The following AGBL1 variants were observed in gnomAD, a reference collection of about 807,000 sequenced individuals.
The protein encoded by AGBL1 is AGBL carboxypeptidase 1.
A neutral mutation model predicts 118.9 loss-of-function variants in AGBL1; 130 were observed. That is an observed-to-expected ratio of 1.09 (90% CI 0.95 to 1.26). AGBL1 has a LOEUF of 1.26. Ranked by LOEUF, AGBL1 falls within the 50% of genes most tolerant of loss-of-function variation. AGBL1 has a pLI of 0.00. For synonymous variants in AGBL1, 555 were observed against 478.9 expected (o/e 1.16, Z -2.08); for missense variants, 1,584 against 1,298.1 (o/e 1.22, Z -3.38).
intron 19 of AGBL1, among the ~76,000 whole-genome samples, chr15:86,543,662 A>C (rs2083535630): frequency 6.6e-6 from 1 of 152,186 alleles, no homozygotes; most frequent in Non-Finnish European, 1.5e-5. Context: ...GGAAAGAGTA[A>C]ATATCTGTAG....
chr15:86,591,451 A>C (rs2084334663), intron 21 of AGBL1, among the ~76,000 whole-genome samples: 1 of 152,140 alleles, frequency 6.6e-6, no homozygotes, highest in Admixed American at 6.5e-5. Flanking sequence ...AGGCTTCCGG[A>C]ACTTCTGACC....
intron 22 of AGBL1, among the ~76,000 whole-genome samples, chr15:86,747,561 G>A (rs963173826): frequency 3.3e-5 from 5 of 152,272 alleles, no homozygotes; most frequent in Admixed American, 2.0e-4. Flanking sequence ...CATGTGCCAT[G>A]TTGGTGTGCT....
chr15:86,172,616 T>C (rs977095718), intron 5 of AGBL1, among the ~76,000 whole-genome samples: 1 of 152,218 alleles, frequency 6.6e-6, no homozygotes. Context: ...TGTCTGTGTC[T>C]CGCTTATTTC....
chr15:86,463,447 T>G (rs1567005541), intron 18 of AGBL1, among the ~76,000 whole-genome samples: 1 of 152,118 alleles, frequency 6.6e-6, no homozygotes, highest in Non-Finnish European at 1.5e-5. Context: ...AGTTTAATCA[T>G]ATCTCATTTG....
intron 18 of AGBL1, among the ~76,000 whole-genome samples, chr15:86,483,051 T>C (rs2082672391): frequency 6.6e-6 from 1 of 151,872 alleles, no homozygotes; most frequent in Non-Finnish European, 1.5e-5. Flanking sequence ...TGGCTGAATA[T>C]ACGTATTTAT....
At chr15:86,166,741 G>A (rs1487153947) in intron 5 of AGBL1, among the ~76,000 whole-genome samples, 1 of 152,138 alleles carries the variant, frequency 6.6e-6, no homozygotes, top group Non-Finnish European at 1.5e-5. Context: ...TATTCCTGAG[G>A]ATGACATGCT....
intron 18 of AGBL1, among the ~76,000 whole-genome samples, chr15:86,407,371 C>T (rs538168421): frequency 1.8e-4 from 28 of 152,272 alleles, no homozygotes; most frequent in African/African-American, 6.3e-4. Flanking sequence ...GGTTATACAG[C>T]CCCACTGTGT....
chr15:86,349,251 A>G (rs530613586), intron 17 of AGBL1, among the ~76,000 whole-genome samples: 16 of 152,184 alleles, frequency 1.1e-4, no homozygotes, highest in Admixed American at 2.0e-4. Context: ...AAGCCACTTG[A>G]TTCATGTGGA....
intron 17 of AGBL1, among the ~76,000 whole-genome samples, chr15:86,386,764 T>C (rs986286467): frequency 1.3e-5 from 2 of 152,160 alleles, no homozygotes; most frequent in Admixed American, 6.5e-5. Flanking sequence ...AGTACTTACA[T>C]GATGTTATTG....
At chr15:86,280,138 T>C (rs138467721) in intron 16 of AGBL1, among the ~76,000 whole-genome samples, 167 of 145,828 alleles carry the variant, frequency 1.1e-3, no homozygotes, top group African/African-American at 4.5e-3. Flanking sequence ...ACCATACAAG[T>C]AAGCTGAGAT....
intron 21 of AGBL1, among the ~76,000 whole-genome samples, chr15:86,593,296 ATTTT>A (rs35818219): frequency 6.9e-6 from 1 of 145,806 alleles, no homozygotes; most frequent in African/African-American, 2.5e-5. Context: ...GGAACCTTAG[ATTTT>A]TTTTTTTTTT....
chr15:86,508,877 G>T (rs1313115790), intron 18 of AGBL1, among the ~76,000 whole-genome samples: 2 of 152,114 alleles, frequency 1.3e-5, no homozygotes, highest in Non-Finnish European at 2.9e-5. Flanking sequence ...TTTAAAAAAT[G>T]CAAACATTTG....
In AGBL1 at chr15:86,723,275, A is replaced by T. The variant is rs528411868; in HGVS notation, c.3158+48839A>T. 3.9e-5 allele frequency among the ~76,000 whole-genome samples: 6 copies of T among 152,338 alleles called. No homozygotes were observed. The East Asian group carries it at 9.6e-4, about 24-fold the overall frequency. On this transcript the variant is annotated intron_variant, in intron 22 of 22. Transcript: ENST00000614907. ...AACCCAAATGTCCCAACAATGATAG[A>T]CTGGATTAAGAAAATGTGGCACATA...
intron 21 of AGBL1, among the ~76,000 whole-genome samples, chr15:86,568,059 C>T (rs1045643449): frequency 1.3e-5 from 2 of 152,122 alleles, no homozygotes; most frequent in Non-Finnish European, 2.9e-5. Context: ...TATGCTCCCA[C>T]TTTTACTTTT....
chr15:86,145,216 A>G (rs977314749), intron 3 of AGBL1, among the ~76,000 whole-genome samples: 2 of 152,214 alleles, frequency 1.3e-5, no homozygotes, highest in African/African-American at 4.8e-5. Context: ...CTGGGTGGAC[A>G]TGAATTTTTG....
rs1207016911 is a variant in AGBL1 at position 86,270,067 on chromosome 15, G to T, written c.1987G>T (p.Gly663Trp). Residue 663 changes from glycine (G) to tryptophan (W), a missense_variant and splice_region_variant, in exon 14 of 23, where the codon GGG becomes TGG. Transcript: ENST00000614907. ...CEKPNSQFNY[G>W]MQPTLYSVKE... Reference sequence around the variant, plus strand: ...GAAGCCCAACAGCCAGTTTAATTATGGTATGAACGCTTGGGGAGCAGGGGC... The same window carrying T: ...GAAGCCCAACAGCCAGTTTAATTATTGTATGAACGCTTGGGGAGCAGGGGC... 2 of 1,609,782 alleles carry T rather than the reference G, an allele frequency of 1.2e-6. No homozygotes were observed. The highest frequency in any genetic ancestry group is 1.7e-6 in the Non-Finnish European group (2 of 1,177,992).
intron 22 of AGBL1, among the ~76,000 whole-genome samples, chr15:86,820,404 G>A (rs1011836844): frequency 3.3e-5 from 5 of 152,054 alleles, no homozygotes; most frequent in African/African-American, 1.2e-4. Context: ...CTGACAAAGG[G>A]CTAATACCCA....
At chr15:86,673,379 C>G (rs908469136) in intron 21 of AGBL1, among the ~76,000 whole-genome samples, 4 of 152,178 alleles carry the variant, frequency 2.6e-5, no homozygotes, top group African/African-American at 9.6e-5. Flanking sequence ...TAATTCTGAT[C>G]TAACTTCAAA....
intron 23 of AGBL1, among the ~76,000 whole-genome samples, chr15:86,979,638 G>A (rs542507393): frequency 2.3e-4 from 34 of 150,586 alleles, no homozygotes; most frequent in Middle Eastern, 3.4e-3. Context: ...ACAGGTGCCC[G>A]CCACCACGCC....
Sources: allele counts gnomAD v4.1 joint callset (sites outside exome capture counted in the v4.1 genomes callset), GRCh38; gene constraint gnomAD v4.1.1; transcripts MANE v1.5; gene names NCBI Gene and HGNC (gene_info 2026-07-23, HGNC 2026-07-21).